LRRC72: variants seen among roughly 807,000 people sequenced by gnomAD.
LRRC72 encodes the protein leucine-rich repeat-containing protein 72.
LRRC72 carries 41 observed loss-of-function variants against 35.8 expected under a neutral mutation model. The ratio of observed to expected loss-of-function variants is 1.15; its 90% CI spans 0.89 to 1.49. The LOEUF (loss-of-function observed/expected upper bound fraction) is 1.49. Ranked by LOEUF, LRRC72 falls within the 40% of genes most tolerant of loss-of-function variation. The pLI is 0.00. For synonymous variants in LRRC72, 118 were observed against 119.2 expected, an observed-to-expected ratio of 0.99 and a Z score of 0.07; for missense variants, 389 against 330.7, an observed-to-expected ratio of 1.18 and a Z score of -1.37.
At chr7:16,539,753 G>C (rs1608639) in intron 3 of LRRC72, among the ~76,000 whole-genome samples, 12,785 of 152,332 alleles carry the variant, frequency 0.084, 639 homozygotes, top group East Asian at 0.15. Context: ...AGATTGAGCT[G>C]TTGCTTCAGA....
intron 5 of LRRC72, among the ~76,000 whole-genome samples, chr7:16,563,089 A>T (rs896097177): frequency 6.6e-5 from 10 of 152,204 alleles, no homozygotes; most frequent in Non-Finnish European, 1.2e-4. Context: ...GCCGTTCTCT[A>T]TAGGCTTTTA....
At chr7:16,539,656 A>G (rs1782321438) in intron 3 of LRRC72, among the ~76,000 whole-genome samples, 1 of 152,182 alleles carries the variant, frequency 6.6e-6, no homozygotes, top group Admixed American at 6.5e-5. Flanking sequence ...TCAAAGGCCC[A>G]GGGCCCCGCT....
chr7:16,557,354 T>A lies in LRRC72; in HGVS notation c.235-6T>A. 8.2e-7 allele frequency: 1 copy of A among 1,215,340 alleles called. No homozygotes were observed. The highest frequency in any genetic ancestry group is 2.3e-5 in the South Asian group (1 of 43,336). 75.3% of individuals were successfully genotyped at this position (1,215,340 alleles called of 1,614,324 possible). ...AAGTATATTGTTCTCTAACTCTCAT[T>A]TTTAGCTCCATGGAATAACATTTCT... On this transcript the variant is annotated splice_region_variant and splice_polypyrimidine_tract_variant and intron_variant, in intron 3 of 8. Coordinates refer to ENST00000401542, the MANE Select transcript of LRRC72 (RefSeq NM_001195280.2).
At position 16,559,012 on chromosome 7, in the gene LRRC72, A is replaced by T; in HGVS notation, c.427+13A>T. On this transcript the variant is annotated intron_variant, in intron 5 of 8. Transcript: ENST00000401542. ...CTGAAGATCCTAAGTAACAATTTGCAATTTTATATGGCCATAAGTTAAAAT... is the reference window on the plus strand; with the variant it reads ...CTGAAGATCCTAAGTAACAATTTGCTATTTTATATGGCCATAAGTTAAAAT... 1 of 1,436,132 alleles carries T rather than the reference A, an allele frequency of 7.0e-7. No individual in the cohort carries two copies. Among genetic ancestry groups the T allele is most frequent in the South Asian group, 1.3e-5 (1 of 77,444 alleles). 89.0% of individuals were successfully genotyped at this position (1,436,132 alleles called of 1,614,324 possible). A position where few individuals can be genotyped will look rare whatever the true frequency, so the allele number is the denominator to read the frequency against.
chr7:16,565,938 T>C (rs974462586), intron 5 of LRRC72, among the ~76,000 whole-genome samples: 11 of 152,146 alleles, frequency 7.2e-5, no homozygotes, highest in African/African-American at 2.7e-4. Context: ...TACCAAGTGA[T>C]ATTTTAATAA....
intron 5 of LRRC72, among the ~76,000 whole-genome samples, chr7:16,562,560 G>GAGTTCC (rs1210037730): frequency 6.6e-6 from 1 of 152,190 alleles, no homozygotes; most frequent in African/African-American, 2.4e-5. Flanking sequence ...TGGGAACAGG[G>GAGTTCC]AGTTCCTCCT....
chr7:16,568,002 C>G (rs184190497), intron 7 of LRRC72, among the ~76,000 whole-genome samples: 97 of 152,148 alleles, frequency 6.4e-4, no homozygotes, highest in African/African-American at 2.3e-3. Context: ...TACTCACATA[C>G]AGGGTCATTA....
chr7:16,533,680 G>A (rs1321193822), intron 2 of LRRC72, among the ~76,000 whole-genome samples: 1 of 151,940 alleles, frequency 6.6e-6, no homozygotes, highest in East Asian at 1.9e-4. Context: ...AAATAAATAT[G>A]TTTATCAGTA....
chr7:16,545,012 G>A (rs1344696694), intron 3 of LRRC72, among the ~76,000 whole-genome samples: 1 of 152,162 alleles, frequency 6.6e-6, no homozygotes, highest in Non-Finnish European at 1.5e-5. Flanking sequence ...CTAGAGAATG[G>A]TCAGATTTGG....
intron 2 of LRRC72, among the ~76,000 whole-genome samples, chr7:16,535,070 T>C (rs1474281467): frequency 1.3e-5 from 2 of 152,180 alleles, no homozygotes; most frequent in Non-Finnish European, 2.9e-5. Flanking sequence ...GCACCTGTGG[T>C]CCCAGCTACT....
intron 5 of LRRC72, among the ~76,000 whole-genome samples, chr7:16,562,421 C>T (rs1782758946): frequency 6.6e-6 from 1 of 152,192 alleles, no homozygotes; most frequent in Non-Finnish European, 1.5e-5. Flanking sequence ...CTGTTCTAAA[C>T]CTTCAGTTTT....
At chr7:16,579,413 G>A (rs1484584925) in intron 7 of LRRC72, among the ~76,000 whole-genome samples, 4 of 152,274 alleles carry the variant, frequency 2.6e-5, no homozygotes, top group East Asian at 1.9e-4. Flanking sequence ...AATGGCAAGA[G>A]GTGATACTGT....
intron 6 of LRRC72, among the ~76,000 whole-genome samples, chr7:16,567,126 A>G (rs17381374): frequency 0.038 from 5,824 of 152,202 alleles, 167 homozygotes; most frequent in Non-Finnish European, 0.063. Context: ...CTAAAATTTT[A>G]ATCATCCTTG....
chr7:16,562,683 G>T (rs1782763872), intron 5 of LRRC72, among the ~76,000 whole-genome samples: 1 of 152,184 alleles, frequency 6.6e-6, no homozygotes, highest in South Asian at 2.1e-4. Flanking sequence ...GGGAGCAGAG[G>T]GATTCTGGGA....
At chr7:16,559,511 C>T (rs1470786878) in intron 5 of LRRC72, among the ~76,000 whole-genome samples, 1 of 152,126 alleles carries the variant, frequency 6.6e-6, no homozygotes, top group East Asian at 1.9e-4. Context: ...CTATCTATCA[C>T]ATGGCTAATG....
intron 1 of LRRC72, among the ~76,000 whole-genome samples, chr7:16,528,811 A>G (rs1782116032): frequency 6.6e-6 from 1 of 152,180 alleles, no homozygotes; most frequent in African/African-American, 2.4e-5. Context: ...ATAATGCTGA[A>G]TCACCCAATA....
At chr7:16,540,469 G>A (rs1028321492) in intron 3 of LRRC72, among the ~76,000 whole-genome samples, 5 of 152,202 alleles carry the variant, frequency 3.3e-5, no homozygotes, top group African/African-American at 1.2e-4. Flanking sequence ...TTGGGTTAAT[G>A]CTGGAATGAG....
intron 7 of LRRC72, among the ~76,000 whole-genome samples, chr7:16,577,983 T>C (rs1047137427): frequency 1.3e-5 from 2 of 152,188 alleles, no homozygotes; most frequent in African/African-American, 2.4e-5. Context: ...ACATATAAAA[T>C]GTGCAAACCA....
intron 1 of LRRC72, among the ~76,000 whole-genome samples, chr7:16,531,904 T>C (rs780288346): frequency 2.0e-4 from 30 of 152,206 alleles, no homozygotes; most frequent in Non-Finnish European, 4.0e-4. Context: ...TGTTAGCAAC[T>C]CATGAGAAAC....
Sources: allele counts gnomAD v4.1 joint callset (sites outside exome capture counted in the v4.1 genomes callset), GRCh38; gene constraint gnomAD v4.1.1; transcripts MANE v1.5; gene names NCBI Gene and HGNC (gene_info 2026-07-23, HGNC 2026-07-21).